Variants in PAFAH1B2 observed in about 807,000 individuals in gnomAD.
PAFAH1B2 encodes the protein platelet-activating factor acetylhydrolase IB subunit alpha2.
In PAFAH1B2, 8 loss-of-function variants were observed where a neutral mutation model predicts 28.0. The observed-to-expected ratio is 0.29, with a 90% CI of 0.17 to 0.52. PAFAH1B2 has a LOEUF of 0.52. PAFAH1B2 is among the 20% of genes least tolerant of loss of function. The pLI, the probability that PAFAH1B2 is intolerant of heterozygous loss-of-function variation, is 0.97. For missense variants in PAFAH1B2, 190 were observed against 282.6 expected, an observed-to-expected ratio of 0.67 and a Z score of 2.35; for synonymous variants, 104 against 103.2, an observed-to-expected ratio of 1.01 and a Z score of -0.05.
chr11:117,146,115 T>C (rs1409966834), intron 1 of PAFAH1B2, among the ~76,000 whole-genome samples: 2 of 7,506 alleles, frequency 2.7e-4, no homozygotes, highest in African/African-American at 7.6e-4. Flanking sequence ...TCTTTCTTTC[T>C]TTTTTTTTTT....
At position 117,169,190 on chromosome 11, in the gene PAFAH1B2, C is replaced by G; in HGVS notation, c.*1491C>G. On this transcript the variant is annotated 3_prime_UTR_variant, in exon 6 of 6. Coordinates refer to ENST00000527958, the MANE Select transcript of PAFAH1B2 (RefSeq NM_002572.4). ...TTCAGCATAGACACTACCTTTATCCCATCATTTTAGTAAAAACTAGGTTTG... is the reference window on the plus strand; with the variant it reads ...TTCAGCATAGACACTACCTTTATCCGATCATTTTAGTAAAAACTAGGTTTG... 9.7e-7 allele frequency: 1 copy of G among 1,031,490 alleles called. No individual in the cohort carries two copies. 63.9% of individuals were successfully genotyped at this position (1,031,490 alleles called of 1,614,324 possible).
intron 1 of PAFAH1B2, among the ~76,000 whole-genome samples, chr11:117,147,155 G>A (rs1189004828): frequency 1.3e-5 from 2 of 152,056 alleles, no homozygotes; most frequent in African/African-American, 2.4e-5. Context: ...TGTAATCCCA[G>A]TACTCGGGAT....
rs1956557360 is a variant in PAFAH1B2, at chr11:117,168,285, C to T, written c.*586C>T. On this transcript the variant is annotated 3_prime_UTR_variant, in exon 6 of 6. Transcript: ENST00000527958. ...TTCTGCTTTCTTAATCTTTTCCATG[C>T]TTAGCAGTGAAAAACAGGTTTTGCC... 9.4e-7 allele frequency: 1 copy of T among 1,062,908 alleles called. No homozygotes were observed. The highest frequency in any genetic ancestry group is 1.6e-5 in the African/African-American group (1 of 60,884). 65.8% of individuals were successfully genotyped at this position (1,062,908 alleles called of 1,614,324 possible).
chr11:117,176,076 C>A, exon 6 of PAFAH1B2: 1 of 751,396 alleles, frequency 1.3e-6, no homozygotes, highest in Non-Finnish European at 2.3e-6. Context: ...CCTAGATGTG[C>A]TGGAAACAGT....
intron 2 of PAFAH1B2, among the ~76,000 whole-genome samples, chr11:117,157,381 A>G (rs1956276760): frequency 6.6e-6 from 1 of 151,914 alleles, no homozygotes; most frequent in African/African-American, 2.4e-5. Flanking sequence ...AGCTCATGTG[A>G]TCTGCTCACT....
intron 1 of PAFAH1B2, among the ~76,000 whole-genome samples, chr11:117,147,590 T>C (rs920469244): frequency 6.6e-6 from 1 of 152,238 alleles, no homozygotes; most frequent in Non-Finnish European, 1.5e-5. Flanking sequence ...AAAGAGGAGA[T>C]TGTGTGAGTT....
At chr11:117,175,458 C>T, downstream of PAFAH1B2, 1 of 1,074,270 alleles carries the variant, frequency 9.3e-7, no homozygotes. Context: ...TGCCCTCCCA[C>T]TCTGTAGACG....
chr11:117,159,881 A>T, intron 2 of PAFAH1B2, 53 bp from the exon 3 acceptor site: 1 of 1,327,086 alleles, frequency 7.5e-7, no homozygotes, highest in Non-Finnish European at 1.1e-6. Flanking sequence ...ATGGGCCACC[A>T]CACCCAGCCA....
At chr11:117,161,368 T>C (rs772193746) in intron 4 of PAFAH1B2, 107 bp downstream of exon 4, 7 of 654,246 alleles carry the variant, frequency 1.1e-5, no homozygotes, top group African/African-American at 1.9e-5. Context: ...CCTATTTCAC[T>C]ATTTTTTTCG....
At chr11:117,144,597 AGCGTCG>A (rs1955949109) in intron 1 of PAFAH1B2, among the ~76,000 whole-genome samples, 179 bp downstream of exon 1, 3 of 142,860 alleles carry the variant, frequency 2.1e-5, no homozygotes, top group African/African-American at 8.0e-5. Flanking sequence ...CTGCGGGCCC[AGCGTCG>A]GCTTCCCAGC....
At position 117,167,985 on chromosome 11, in the gene PAFAH1B2, G is replaced by C; in HGVS notation, c.*286G>C. On this transcript the variant is annotated 3_prime_UTR_variant, in exon 6 of 6. Transcript: ENST00000527958. ...ACACATTCATTGAATTATTATCACT[G>C]TTTTCTTGGGACAACATCAAGCCTA... 1.8e-6 allele frequency: 2 copies of C among 1,087,252 alleles called. No individual in the cohort carries two copies. The highest frequency in any genetic ancestry group is 2.2e-6 in the Non-Finnish European group (2 of 894,474). The allele number at this position is 1,087,252 out of a possible 1,614,324, so 67.4% of individuals were successfully genotyped here. A position where few individuals can be genotyped will look rare whatever the true frequency, so the allele number is the denominator to read the frequency against.
At chr11:117,159,747 AAAAAG>A (rs886276084) in intron 2 of PAFAH1B2, 182 bp from the exon 3 acceptor site, 27 of 526,742 alleles carry the variant, frequency 5.1e-5, no homozygotes, top group Non-Finnish European at 6.8e-5. Flanking sequence ...AAAAAAAAAA[AAAAAG>A]AAAGAAAAAA....
Position 117,169,944 on chromosome 11 carries a change from C to T in PAFAH1B2, c.*2245C>T, listed in dbSNP as rs1420277387. The T allele has an allele frequency of 4.7e-6, 5 of 1,052,886 alleles. No individual in the cohort carries two copies. The highest frequency in any genetic ancestry group is 5.7e-6 in the Non-Finnish European group (5 of 871,562). 65.2% of individuals were successfully genotyped at this position (1,052,886 alleles called of 1,614,324 possible). On this transcript the variant is annotated 3_prime_UTR_variant, in exon 6 of 6. Coordinates refer to ENST00000527958, the MANE Select transcript of PAFAH1B2 (RefSeq NM_002572.4). ...GATCAAATATCCCTTTGTGAGCTGG[C>T]CCTCAGCTCCTTTGCTCATGTGTAC...
chr11:117,153,765 T>C (rs7940310), intron 2 of PAFAH1B2, among the ~76,000 whole-genome samples: 127,513 of 151,982 alleles, frequency 0.84, 54,096 homozygotes, highest in Non-Finnish European at 0.89. Flanking sequence ...ATTTCCCTTA[T>C]CCCTGAATAT....
At chr11:117,166,697 A>AT (rs1956519335) in intron 5 of PAFAH1B2, among the ~76,000 whole-genome samples, 1 of 152,232 alleles carries the variant, frequency 6.6e-6, no homozygotes, top group South Asian at 2.1e-4. Context: ...AATAGCTCTG[A>AT]TTCATCAAGA....
intron 5 of PAFAH1B2, among the ~76,000 whole-genome samples, chr11:117,164,913 G>C (rs1956467386): frequency 6.6e-6 from 1 of 151,146 alleles, no homozygotes; most frequent in Non-Finnish European, 1.5e-5. Flanking sequence ...GCACGTGCCT[G>C]TAATCCCAGC....
downstream of PAFAH1B2, among the ~76,000 whole-genome samples, chr11:117,172,079 A>G (rs1956661332): frequency 2.0e-5 from 3 of 151,904 alleles, no homozygotes; most frequent in South Asian, 4.2e-4. Flanking sequence ...AACCTCTTAA[A>G]TGGCCCAGAA....
At chr11:117,152,248 A>G (rs896944510) in intron 1 of PAFAH1B2, among the ~76,000 whole-genome samples, 193 bp from the exon 2 acceptor site, 6 of 152,184 alleles carry the variant, frequency 3.9e-5, no homozygotes, top group East Asian at 3.8e-4. Context: ...TAGTGGTGCT[A>G]TCTTTATGGG....
chr11:117,171,739 A>T (rs78428934), downstream of PAFAH1B2: 5,997 of 1,535,632 alleles, frequency 3.9e-3, 184 homozygotes, highest in African/African-American at 0.069. Context: ...CAGGCCAGCA[A>T]TATTACAGTG....
Sources: allele counts gnomAD v4.1 joint callset (sites outside exome capture counted in the v4.1 genomes callset), GRCh38; gene constraint gnomAD v4.1.1; transcripts MANE v1.5; gene names NCBI Gene and HGNC (gene_info 2026-07-23, HGNC 2026-07-21).